The following TMEM266 variants were observed in gnomAD, a reference collection of about 807,000 sequenced individuals.
TMEM266 encodes the protein Hv1 related protein 1.
TMEM266 carries 33 observed loss-of-function variants against 50.5 expected under a neutral mutation model. The observed-to-expected ratio is 0.65, with a 90% CI of 0.50 to 0.87. The LOEUF is 0.87. TMEM266 is among the 40% of genes least tolerant of loss of function. The probability of loss-of-function intolerance (pLI) is 0.00; values close to 1 mark genes in which losing one functional copy is unlikely to be tolerated. For synonymous variants in TMEM266, 310 were observed against 292.3 expected, an observed-to-expected ratio of 1.06 and a Z score of -0.62; for missense variants, 655 against 695.1, an observed-to-expected ratio of 0.94 and a Z score of 0.65.
At chr15:76,109,946 C>T (rs138877100) in intron 1 of TMEM266, among the ~76,000 whole-genome samples, 10 of 151,868 alleles carry the variant, frequency 6.6e-5, no homozygotes, top group South Asian at 2.1e-4. Flanking sequence ...AGGTGAGAGC[C>T]GCCATGCCTG....
Position 76,137,672 on chromosome 15 carries a change from T to C in TMEM266, c.39-35T>C, listed in dbSNP as rs753041041. The C allele has an allele frequency of 1.9e-6, 3 of 1,605,214 alleles. No homozygotes were observed. In the African/African-American group the frequency reaches 4.0e-5, roughly 21 times the overall value. ...GGAAGAATTTTTTGGCCCTTGAAGATAACTCTTTCCCATTGTTCCTCCTCT... is the reference window on the plus strand; with the variant it reads ...GGAAGAATTTTTTGGCCCTTGAAGACAACTCTTTCCCATTGTTCCTCCTCT... On this transcript the variant is annotated intron_variant, in intron 2 of 10. Transcript: ENST00000388942.
At chr15:76,191,889 G>A in intron 8 of TMEM266, 79 bp from the exon 9 acceptor site, 1 of 1,349,218 alleles carries the variant, frequency 7.4e-7, no homozygotes, top group Non-Finnish European at 9.7e-7. Flanking sequence ...CCATGCAGGA[G>A]CAAAGCGCCC....
At chr15:76,077,286 T>C (rs939434395) in intron 1 of TMEM266, among the ~76,000 whole-genome samples, 2 of 152,030 alleles carry the variant, frequency 1.3e-5, no homozygotes, top group East Asian at 3.9e-4. Flanking sequence ...TTTAGAGGGA[T>C]GTCAATTATG....
intron 1 of TMEM266, among the ~76,000 whole-genome samples, chr15:76,121,712 C>T (rs376378390): frequency 4.9e-4 from 74 of 152,304 alleles, no homozygotes; most frequent in Admixed American, 4.6e-4. Context: ...CCACCACACC[C>T]GGCCAAAACA....
In TMEM266 at chr15:76,141,587, A is replaced by C; in HGVS notation, c.227+3692A>C. On this transcript the variant is annotated intron_variant, in intron 3 of 10. Coordinates refer to ENST00000388942, the MANE Select transcript of TMEM266 (RefSeq NM_152335.3). ...ATTTTTTAAAAATGTGGTAAAATAC[A>C]TGTAACAAAATGTACCATCTTAACC... Among the ~76,000 whole-genome samples, 5 of 152,296 alleles carry C rather than the reference A, an allele frequency of 3.3e-5. 1 individual carries two copies. The South Asian group carries it at 1.0e-3, about 32-fold the overall frequency.
intron 1 of TMEM266, among the ~76,000 whole-genome samples, chr15:76,133,084 G>A (rs1309450257): frequency 6.6e-6 from 1 of 151,920 alleles, no homozygotes; most frequent in East Asian, 1.9e-4. Context: ...AGCCAAGATC[G>A]CACCACTGTG....
At chr15:76,070,240 G>A (rs546197236) in intron 1 of TMEM266, among the ~76,000 whole-genome samples, 1 of 152,280 alleles carries the variant, frequency 6.6e-6, no homozygotes, top group African/African-American at 2.4e-5. Flanking sequence ...TTCACCTCCA[G>A]GCATTTCATC....
intron 1 of TMEM266, among the ~76,000 whole-genome samples, chr15:76,096,241 G>T (rs2036918851): frequency 6.6e-6 from 1 of 152,056 alleles, no homozygotes; most frequent in South Asian, 2.1e-4. Flanking sequence ...TCTCTTGTGG[G>T]CATTTAGTGC....
At chr15:76,111,878 A>G (rs1372259080) in intron 1 of TMEM266, 3 of 152,264 alleles carry the variant, frequency 2.0e-5, no homozygotes, top group African/African-American at 7.2e-5. Flanking sequence ...GAAGTAACCA[A>G]CATGTTCTTC....
At chr15:76,122,780 G>A (rs937442727) in intron 1 of TMEM266, among the ~76,000 whole-genome samples, 1 of 152,168 alleles carries the variant, frequency 6.6e-6, no homozygotes, top group East Asian at 1.9e-4. Flanking sequence ...TGCTTGCTGG[G>A]TGGTATTATT....
intron 1 of TMEM266, among the ~76,000 whole-genome samples, chr15:76,114,900 A>G (rs975840224): frequency 3.3e-5 from 5 of 152,128 alleles, no homozygotes; most frequent in African/African-American, 1.2e-4. Context: ...GAATCACACA[A>G]TATGTGGCCT....
intron 1 of TMEM266, among the ~76,000 whole-genome samples, chr15:76,131,270 G>C (rs965812762): frequency 2.0e-5 from 3 of 152,256 alleles, no homozygotes; most frequent in Admixed American, 6.5e-5. Context: ...GGGAGGCTGA[G>C]GCAGGAGAAT....
chr15:76,068,011 T>A lies in TMEM266; in HGVS notation c.-97+7995T>A, dbSNP rs564213087. ...GCATAAAGTAGGACTGACAAGGTAC[T>A]TTGTGCTTTGCTGAAAGGCCACAAT... On this transcript the variant is annotated intron_variant, in intron 1 of 10. Transcript: ENST00000388942. Among the ~76,000 whole-genome samples, 134 of 152,338 alleles carry A rather than the reference T, an allele frequency of 8.8e-4. 1 individual carries two copies. In the South Asian group the frequency reaches 0.024, roughly 27 times the overall value.
intron 2 of TMEM266, 30 bp from the exon 3 acceptor site, chr15:76,137,677 C>A: frequency 6.2e-7 from 1 of 1,608,440 alleles, no homozygotes; most frequent in African/African-American, 1.3e-5. Flanking sequence ...GAAGATAACT[C>A]TTTCCCATTG....
At chr15:76,169,156 C>T (rs974795408) in intron 5 of TMEM266, among the ~76,000 whole-genome samples, 19 of 152,052 alleles carry the variant, frequency 1.2e-4, no homozygotes, top group African/African-American at 4.3e-4. Context: ...GGAAGAGGAG[C>T]CTAATTCATT....
rs114343956 is a variant in TMEM266 at position 76,124,189 on chromosome 15, T to C, written c.-96-9979T>C. ...TCCTGAATAAAAGATCAAAGCCTTG[T>C]AAAGAGAAAGCCTTTGATTCTTTCT... On this transcript the variant is annotated intron_variant, in intron 1 of 10. Transcript: ENST00000388942. 6.8e-3 allele frequency among the ~76,000 whole-genome samples: 1,042 copies of C among 152,308 alleles called. 12 individuals carry two copies. The highest frequency in any genetic ancestry group is 0.024 in the African/African-American group (998 of 41,568).
At chr15:76,187,501 C>T (rs986207200) in intron 8 of TMEM266, among the ~76,000 whole-genome samples, 12 of 152,226 alleles carry the variant, frequency 7.9e-5, no homozygotes, top group Admixed American at 7.9e-4. Context: ...GGCCTTCAGT[C>T]GCCTCTGAGA....
intron 1 of TMEM266, chr15:76,109,144 A>T (rs940428970): frequency 4.6e-5 from 7 of 152,236 alleles, no homozygotes; most frequent in Admixed American, 1.3e-4. Flanking sequence ...CCAAGTTGGA[A>T]CCAGAAAGAC....
At chr15:76,092,943 G>T (rs2036869532) in intron 1 of TMEM266, among the ~76,000 whole-genome samples, 1 of 150,360 alleles carries the variant, frequency 6.7e-6, no homozygotes, top group African/African-American at 2.4e-5. Flanking sequence ...GAGTAGCTGG[G>T]ATTACAGGCG....
Sources: gnomAD v4.1 joint callset for allele counts (sites outside exome capture counted in the v4.1 genomes callset) on GRCh38, gnomAD v4.1.1 for gene constraint, MANE v1.5 for transcripts, NCBI Gene and HGNC (gene_info 2026-07-23, HGNC 2026-07-21) for gene names.